Variants in OR10H5 observed in about 807,000 individuals in gnomAD.
OR10H5 encodes the protein olfactory receptor family 10 subfamily H member 5.
OR10H5 carries 7 observed loss-of-function variants against 12.2 expected under a neutral mutation model. The ratio of observed to expected loss-of-function variants is 0.57; its 90% CI spans 0.33 to 1.07. OR10H5 has a LOEUF of 1.07. Among genes scored for constraint, OR10H5 ranks in the 50% least tolerant of loss-of-function variants. The pLI, the probability that OR10H5 is intolerant of heterozygous loss-of-function variation, is 0.04. For synonymous variants in OR10H5, 159 were observed against 175.1 expected (o/e 0.91, Z 0.73); for missense variants, 346 against 411.6 (o/e 0.84, Z 1.38).
rs1416159414 is a variant in OR10H5, at chr19:15,798,254, A to C, written c.*3258A>C. 2 of 152,114 alleles carry C rather than the reference A, an allele frequency of 1.3e-5. No individual in the cohort carries two copies. The highest frequency in any genetic ancestry group is 4.8e-5 in the African/African-American group (2 of 41,432). The allele number at this position is 152,114 out of a possible 1,614,324, so 9.4% of individuals were successfully genotyped here. On this transcript the variant is annotated 3_prime_UTR_variant, in exon 2 of 2. Coordinates refer to ENST00000642092, the MANE Select transcript of OR10H5 (RefSeq NM_001004466.2). ...TAAGTGCCAAAAGTTCAGTGAGAAC[A>C]CAGCAGGTCTGGGGGTGTCAACTCT...
At position 15,795,282 on chromosome 19, in the gene OR10H5, T is replaced by C; in HGVS notation, c.*286T>C. ...CTCTGTCTCTTTCTGTTTCTATACC[T>C]CTCTGTCTCTGTCACTCTCTTTCTC... On this transcript the variant is annotated 3_prime_UTR_variant, in exon 2 of 2. Transcript: ENST00000642092. 1 of 406,524 alleles carries C rather than the reference T, an allele frequency of 2.5e-6. No individual in the cohort carries two copies. The allele number at this position is 406,524 out of a possible 1,614,324, so 25.2% of individuals were successfully genotyped here.
chr19:15,789,082 A>G (rs1334553995), intron 1 of OR10H5, among the ~76,000 whole-genome samples: 2 of 152,088 alleles, frequency 1.3e-5, no homozygotes, highest in Non-Finnish European at 2.9e-5. Flanking sequence ...CCTGTGTCCA[A>G]AGGTCACATT....
intron 1 of OR10H5, among the ~76,000 whole-genome samples, chr19:15,789,204 C>G (rs1162473821): frequency 6.6e-6 from 1 of 152,152 alleles, no homozygotes; most frequent in Non-Finnish European, 1.5e-5. Context: ...AGATGAGCAC[C>G]AGGCATTTGG....
Position 15,799,113 on chromosome 19 carries a change from G to A in OR10H5, c.*4117G>A, listed in dbSNP as rs2088855001. 1 of 152,092 alleles carries A rather than the reference G, an allele frequency of 6.6e-6. No homozygotes were observed. The highest frequency in any genetic ancestry group is 2.4e-5 in the African/African-American group (1 of 41,412). 9.4% of individuals were successfully genotyped at this position (152,092 alleles called of 1,614,324 possible). A position where few individuals can be genotyped will look rare whatever the true frequency, so the allele number is the denominator to read the frequency against. ...AATCATCCCTCTACTTAAACCTTCT[G>A]TTTCTCTTAGGATACAGTATAGACT... On this transcript the variant is annotated 3_prime_UTR_variant, in exon 2 of 2. Coordinates refer to ENST00000642092, the MANE Select transcript of OR10H5 (RefSeq NM_001004466.2).
intron 1 of OR10H5, 110 bp from the exon 2 acceptor site, chr19:15,793,928 A>G (rs1266952100): frequency 1.4e-4 from 129 of 912,794 alleles, no homozygotes; most frequent in Non-Finnish European, 2.0e-4. Context: ...TGGAGTAACC[A>G]TGGCTTGGAC....
chr19:15,799,479 A>G lies in OR10H5; in HGVS notation c.*4483A>G, dbSNP rs79510717. 6.6e-6 allele frequency: 1 copy of G among 152,102 alleles called. No homozygotes were observed. Among genetic ancestry groups the G allele is most frequent in the Non-Finnish European group, 1.5e-5 (1 of 68,038 alleles). The allele number at this position is 152,102 out of a possible 1,614,324, so 9.4% of individuals were successfully genotyped here. On this transcript the variant is annotated 3_prime_UTR_variant, in exon 2 of 2. Coordinates refer to ENST00000642092, the MANE Select transcript of OR10H5 (RefSeq NM_001004466.2). ...ATTTTTTCCCTCGAAAGACTAAAAAATGGAAGCCATCATTAATTTAAAACA... is the reference window on the plus strand; with the variant it reads ...ATTTTTTCCCTCGAAAGACTAAAAAGTGGAAGCCATCATTAATTTAAAACA...
At chr19:15,788,007 C>G (rs1051459221) in intron 1 of OR10H5, among the ~76,000 whole-genome samples, 23 of 152,180 alleles carry the variant, frequency 1.5e-4, no homozygotes, top group African/African-American at 5.5e-4. Flanking sequence ...AGGGTCCATG[C>G]TGGGGTGGGG....
chr19:15,792,283 C>T (rs1326248581), intron 1 of OR10H5, among the ~76,000 whole-genome samples: 3 of 152,064 alleles, frequency 2.0e-5, no homozygotes, highest in Admixed American at 6.6e-5. Context: ...GGCAATATCA[C>T]GTAACTCAAC....
At chr19:15,793,270 C>T (rs1203593551) in intron 1 of OR10H5, among the ~76,000 whole-genome samples, 1 of 152,058 alleles carries the variant, frequency 6.6e-6, no homozygotes, top group African/African-American at 2.4e-5. Flanking sequence ...CAGACATGCA[C>T]CACAATGTGT....
Position 15,794,938 on chromosome 19 carries a change from A to T in OR10H5, c.890A>T (p.Glu297Val). ...ATCATCTTCAGCCTCAGGAACAAGG[A>T]GCTGAAGGTCGCCATGAAGAAGACT... ...SPIIFSLRNK[E>V]LKVAMKKTCF... Residue 297 changes from glutamate to valine, a missense_variant, in exon 2 of 2, where the codon GAG becomes GTG. Physicochemically the swap from Glu to Val is moderately radical, Grantham distance 121. Coordinates refer to ENST00000642092, the MANE Select transcript of OR10H5 (RefSeq NM_001004466.2). The T allele has an allele frequency of 6.2e-7, 1 of 1,614,198 alleles. No homozygotes were observed. The highest frequency in any genetic ancestry group is 8.5e-7 in the Non-Finnish European group (1 of 1,180,034).
chr19:15,792,933 C>T (rs986786075), intron 1 of OR10H5, among the ~76,000 whole-genome samples: 14 of 151,426 alleles, frequency 9.2e-5, no homozygotes, highest in African/African-American at 3.4e-4. Context: ...ACCCACGGTC[C>T]CCTAGCTCTG....
At chr19:15,789,687 T>A (rs936504641) in intron 1 of OR10H5, among the ~76,000 whole-genome samples, 1 of 152,148 alleles carries the variant, frequency 6.6e-6, no homozygotes, top group Admixed American at 6.5e-5. Flanking sequence ...CTTGGAGATT[T>A]CTGCTAAGGT....
Position 15,799,624 on chromosome 19 carries a change from A to G in OR10H5, c.*4628A>G, listed in dbSNP as rs1444882243. ...GATGCTGATGAAACGTTATGTATATAATTGTATGTTGTCTACAAGGTAAAC... is the reference window on the plus strand; with the variant it reads ...GATGCTGATGAAACGTTATGTATATGATTGTATGTTGTCTACAAGGTAAAC... On this transcript the variant is annotated 3_prime_UTR_variant, in exon 2 of 2. Coordinates refer to ENST00000642092, the MANE Select transcript of OR10H5 (RefSeq NM_001004466.2). 4 of 151,996 alleles carry G rather than the reference A, an allele frequency of 2.6e-5. No individual in the cohort carries two copies. Among genetic ancestry groups the G allele is most frequent in the East Asian group, 1.9e-4 (1 of 5,184 alleles). The allele number at this position is 151,996 out of a possible 1,614,324, so 9.4% of individuals were successfully genotyped here.
Position 15,794,775 on chromosome 19 carries a change from G to A in OR10H5, c.727G>A (p.Ala243Thr). Residue 243 changes from alanine to threonine, a missense_variant, in exon 2 of 2, where the codon GCC (alanine) becomes ACC (threonine). Transcript: ENST00000642092. ...EGRNKAFSTC[A>T]SHLTVVVVHY... ...TCGGAACAAGGCCTTCTCCACCTGT[G>A]CCTCTCACCTCACTGTGGTGGTCGT... The A allele has an allele frequency of 6.2e-7, 1 of 1,613,504 alleles. No homozygotes were observed. The highest frequency in any genetic ancestry group is 8.5e-7 in the Non-Finnish European group (1 of 1,179,608).
chr19:15,788,572 C>T (rs1216738274), intron 1 of OR10H5, among the ~76,000 whole-genome samples: 1 of 152,128 alleles, frequency 6.6e-6, no homozygotes, highest in African/African-American at 2.4e-5. Context: ...GATCACAGCT[C>T]ACTGCAGCCT....
At chr19:15,788,862 A>T (rs981672727) in intron 1 of OR10H5, among the ~76,000 whole-genome samples, 1 of 152,088 alleles carries the variant, frequency 6.6e-6, no homozygotes, top group Admixed American at 6.6e-5. Context: ...CTAAGGTCAC[A>T]TTATTTTATT....
chr19:15,794,255 C>T lies in OR10H5; in HGVS notation c.207C>T (p.Thr69=), dbSNP rs749480860. The change falls in exon 2 of 2, where the codon ACC becomes ACT. Residue 69 remains threonine (T), a synonymous_variant. Transcript: ENST00000642092. ...MYLFLCALSI[T]EILYTVAIIP... ...TCTTCCTGTGTGCCCTCTCCATCAC[C>T]GAGATCCTCTACACCGTGGCCATCA... The T allele has an allele frequency of 2.4e-5, 39 of 1,614,228 alleles. No individual in the cohort carries two copies. The East Asian group carries it at 3.6e-4, about 15-fold the overall frequency.
chr19:15,789,168 G>A (rs1365229232), intron 1 of OR10H5, among the ~76,000 whole-genome samples: 3 of 152,190 alleles, frequency 2.0e-5, no homozygotes, highest in African/African-American at 7.2e-5. Context: ...TGGAATGGCT[G>A]TGTGTCTCCA....
In OR10H5 at chr19:15,798,130, A is replaced by G. The variant is rs906541419; in HGVS notation, c.*3134A>G. 3.3e-5 allele frequency: 5 copies of G among 151,996 alleles called. No homozygotes were observed. Among genetic ancestry groups the G allele is most frequent in the African/African-American group, 1.2e-4 (5 of 41,394 alleles). The allele number at this position is 151,996 out of a possible 1,614,324, so 9.4% of individuals were successfully genotyped here. A position where few individuals can be genotyped will look rare whatever the true frequency, so the allele number is the denominator to read the frequency against. ...GATGGCCCCTTACATTGGGTGCTCAAAGTGACTGCCTTATCTCCCCACAAA... is the reference window on the plus strand; with the variant it reads ...GATGGCCCCTTACATTGGGTGCTCAGAGTGACTGCCTTATCTCCCCACAAA... On this transcript the variant is annotated 3_prime_UTR_variant, in exon 2 of 2. Coordinates refer to ENST00000642092, the MANE Select transcript of OR10H5 (RefSeq NM_001004466.2).
Sources: allele counts gnomAD v4.1 joint callset (sites outside exome capture counted in the v4.1 genomes callset), GRCh38; gene constraint gnomAD v4.1.1; transcripts MANE v1.5; gene names NCBI Gene and HGNC (gene_info 2026-07-23, HGNC 2026-07-21).